The following MBD1 variants were observed in gnomAD, a reference collection of about 807,000 sequenced individuals.
MBD1 encodes the protein methyl-CpG binding domain protein 1.
MBD1 carries 25 observed loss-of-function variants against 82.6 expected under a neutral mutation model. The ratio of observed to expected loss-of-function variants is 0.30; its 90% CI spans 0.22 to 0.42. MBD1 has a LOEUF of 0.42. MBD1 is among the 10% of genes least tolerant of loss of function. The pLI is 1.00. For missense variants in MBD1, 627 were observed against 819.6 expected, an observed-to-expected ratio of 0.76 and a Z score of 2.87; for synonymous variants, 301 against 303.7, an observed-to-expected ratio of 0.99 and a Z score of 0.09.
At position 50,281,131 on chromosome 18, in the gene MBD1, T is replaced by C. The variant is rs1313282212; in HGVS notation, c.-26+232A>G. On this transcript the variant is annotated intron_variant, in intron 1 of 16. Coordinates refer to ENST00000269468, the MANE Select transcript of MBD1 (RefSeq NM_015846.4). The stretch of plus-strand genomic sequence containing the variant: ...AGCGTTCTGATCTCCACCATTCCTC[T>C]CCGTCCTCGTCCCAGGATCCCGACA... 3 of 1,529,784 alleles carry C rather than the reference T, an allele frequency of 2.0e-6. No individual in the cohort carries two copies. In the South Asian group the frequency reaches 3.6e-5, roughly 18 times the overall value. The allele number at this position is 1,529,784 out of a possible 1,614,324, so 94.8% of individuals were successfully genotyped here.
At chr18:50,270,850 G>C (rs2035216074) in intron 16 of MBD1, 1 of 183,558 alleles carries the variant, frequency 5.4e-6, no homozygotes, top group South Asian at 1.4e-4. Context: ...ACAGGTTACA[G>C]TTTAGTGGAG....
Position 50,281,505 on chromosome 18 carries a change from G to C in MBD1, c.-168C>G, listed in dbSNP as rs1383386671. On this transcript the variant is annotated 5_prime_UTR_variant, in exon 1 of 17. Coordinates refer to ENST00000269468, the MANE Select transcript of MBD1 (RefSeq NM_015846.4). ...CTCTGAAGCGGTAGCTGTCGCCTCC[G>C]CGGCTGTTCGTTGCTCCCGGAACCG... 1 of 578,596 alleles carries C rather than the reference G, an allele frequency of 1.7e-6. No homozygotes were observed. Among genetic ancestry groups the C allele is most frequent in the Non-Finnish European group, 3.1e-6 (1 of 325,864 alleles). 35.8% of individuals were successfully genotyped at this position (578,596 alleles called of 1,614,324 possible).
chr18:50,270,043 C>G, intron 16 of MBD1: 1 of 1,597,972 alleles, frequency 6.3e-7, no homozygotes, highest in Non-Finnish European at 8.5e-7. Flanking sequence ...TCATATAGAT[C>G]ATTGTCAAAA....
At position 50,276,363 on chromosome 18, in the gene MBD1, G is replaced by A. The variant is rs1019502678; in HGVS notation, c.516+15C>T. The A allele has an allele frequency of 1.2e-6, 2 of 1,613,232 alleles. No individual in the cohort carries two copies. Among genetic ancestry groups the A allele is most frequent in the Admixed American group, 1.7e-5 (1 of 60,006 alleles). Reference sequence around the variant, plus strand: ...CCCACTGCAGAGTTGTGAAGAGGAAGCAGGTTGTGCTTACCTTAAACATTC... The same window carrying A: ...CCCACTGCAGAGTTGTGAAGAGGAAACAGGTTGTGCTTACCTTAAACATTC... On this transcript the variant is annotated intron_variant, in intron 6 of 16. Transcript: ENST00000269468.
At chr18:50,281,217 T>C (rs1179800784) in intron 1 of MBD1, 146 bp downstream of exon 1, 16 of 1,534,280 alleles carry the variant, frequency 1.0e-5, no homozygotes, top group African/African-American at 1.4e-5. Context: ...ATCCCCCCAT[T>C]TCTCCTCGTC....
In MBD1 at chr18:50,269,371, C is replaced by T; in HGVS notation, c.*480G>A. On this transcript the variant is annotated 3_prime_UTR_variant, in exon 17 of 17. Transcript: ENST00000269468. ...TGGTGAGGCTATGTTTCCCGGAACT[C>T]TCTTCCAGTAAGATGGGCCACAAGA... 2 of 1,296,016 alleles carry T rather than the reference C, an allele frequency of 1.5e-6. No homozygotes were observed. Among genetic ancestry groups the T allele is most frequent in the Non-Finnish European group, 2.0e-6 (2 of 988,744 alleles). 80.3% of individuals were successfully genotyped at this position (1,296,016 alleles called of 1,614,324 possible). A position where few individuals can be genotyped will look rare whatever the true frequency, so the allele number is the denominator to read the frequency against.
At chr18:50,270,424 A>C (rs1409072244) in intron 16 of MBD1, 4 of 456,622 alleles carry the variant, frequency 8.8e-6, no homozygotes, top group African/African-American at 7.9e-5. Context: ...CTTGGGCAGG[A>C]CTCGAAGCAG....
chr18:50,272,505 G>C (rs764401201), intron 15 of MBD1, 172 bp downstream of exon 15: 56 of 759,108 alleles, frequency 7.4e-5, no homozygotes, highest in Middle Eastern at 3.8e-4. Context: ...GATCTCAGGA[G>C]AAATCTCTAG....
Position 50,271,528 on chromosome 18 carries a change from A to G in MBD1, c.1791T>C (p.Leu597=). Reference sequence around the variant, plus strand: ...ACTGCTTTCTAGCTCCAGGTTTTTTAAGGTCTTTGGACCTAGGGAAAAGGG... The same window carrying G: ...ACTGCTTTCTAGCTCCAGGTTTTTTGAGGTCTTTGGACCTAGGGAAAAGGG... ...TAVWLPRSKD[L]KKPGARKQ The change falls in exon 16 of 17, where the codon CTT becomes CTC. Residue 597 remains leucine, a synonymous_variant. Coordinates refer to ENST00000269468, the MANE Select transcript of MBD1 (RefSeq NM_015846.4). 6.2e-7 allele frequency: 1 copy of G among 1,614,138 alleles called. No homozygotes were observed. Among genetic ancestry groups the G allele is most frequent in the Non-Finnish European group, 8.5e-7 (1 of 1,180,020 alleles).
chr18:50,271,340 T>G, intron 16 of MBD1, 129 bp downstream of exon 16: 1 of 1,575,280 alleles, frequency 6.3e-7, no homozygotes, highest in Non-Finnish European at 8.6e-7. Context: ...CTCTTAGGCC[T>G]GCTCTTCTGG....
At chr18:50,272,427 C>T in intron 15 of MBD1, 3 of 550,036 alleles carry the variant, frequency 5.5e-6, no homozygotes, top group East Asian at 6.4e-5. Flanking sequence ...TTTCAAATCT[C>T]ATGATAGAGT....
intron 1 of MBD1, chr18:50,281,038 A>G (rs1275767662): frequency 2.2e-6 from 2 of 911,550 alleles, no homozygotes; most frequent in Non-Finnish European, 3.3e-6. Context: ...AGGGCCCCTC[A>G]TTTCTCCCTC....
At chr18:50,267,770 CAT>C (rs1285799292), downstream of MBD1, 4 of 734,044 alleles carry the variant, frequency 5.4e-6, no homozygotes, top group African/African-American at 6.9e-5. Flanking sequence ...GTCAAACTGA[CAT>C]ATAATAAGTA....
chr18:50,268,210 C>A (rs1203826031), downstream of MBD1, among the ~76,000 whole-genome samples: 1 of 152,126 alleles, frequency 6.6e-6, no homozygotes, highest in Non-Finnish European at 1.5e-5. Context: ...GCAATGAAAA[C>A]GCCTTGGGCC....
At position 50,280,006 on chromosome 18, in the gene MBD1, A is replaced by G. The variant is rs1389836231; in HGVS notation, c.-14T>C. 8 of 1,604,796 alleles carry G rather than the reference A, an allele frequency of 5.0e-6. No individual in the cohort carries two copies. The Admixed American group carries it at 1.3e-4, about 27-fold the overall frequency. On this transcript the variant is annotated 5_prime_UTR_variant, in exon 2 of 17. Transcript: ENST00000269468. ...GTCCTCAGCCATGGAGGCCACAGGA[A>G]GCAGCAGTAGCCTGAAAGGGGGTGG...
At chr18:50,276,518 C>G (rs147280572) in intron 5 of MBD1, 100 bp from the exon 6 acceptor site, 1 of 1,432,832 alleles carries the variant, frequency 7.0e-7, no homozygotes, top group East Asian at 2.3e-5. Context: ...CAACCTCTAC[C>G]TATGCCTGCT....
intron 11 of MBD1, 96 bp downstream of exon 11, chr18:50,274,090 C>A (rs754429246): frequency 1.2e-5 from 18 of 1,527,714 alleles, no homozygotes; most frequent in Non-Finnish European, 1.6e-5. Context: ...AGCTACTGCC[C>A]CACCCACCCA....
At chr18:50,281,528 C>A, upstream of MBD1, 1 of 577,822 alleles carries the variant, frequency 1.7e-6, no homozygotes. Flanking sequence ...GCTCCCGGAA[C>A]CGGAAGTCCG....
At chr18:50,270,428 G>A (rs1568183236) in intron 16 of MBD1, 1 of 451,258 alleles carries the variant, frequency 2.2e-6, no homozygotes, top group Non-Finnish European at 4.4e-6. Context: ...GGCAGGACTC[G>A]AAGCAGGAAT....
Sources: allele counts gnomAD v4.1 joint callset (sites outside exome capture counted in the v4.1 genomes callset), GRCh38; gene constraint gnomAD v4.1.1; transcripts MANE v1.5; gene names NCBI Gene and HGNC (gene_info 2026-07-23, HGNC 2026-07-21).